SPMIP11: variants seen among roughly 807,000 people sequenced by gnomAD.
The protein encoded by SPMIP11 is long intergenic non-protein coding RNA 935.
the SPMIP11 span, chr12:48,770,867 C>G: frequency 6.2e-7 from 1 of 1,614,230 alleles, no homozygotes; most frequent in Non-Finnish European, 8.5e-7. Context: ...GTGGGAGCGG[C>G]CCACCTGATC....
the SPMIP11 span, chr12:48,768,239 CAG>C: frequency 2.7e-6 from 1 of 365,400 alleles, no homozygotes; most frequent in South Asian, 2.8e-5. Context: ...CCCAGACAGA[CAG>C]GGAAGGGTAG....
the SPMIP11 span, chr12:48,727,472 G>A: frequency 5.7e-6 from 4 of 702,838 alleles, no homozygotes; most frequent in East Asian, 2.7e-5. Context: ...AGGCCAGGGA[G>A]GATCTGAGAT....
the SPMIP11 span, among the ~76,000 whole-genome samples, chr12:48,748,612 A>G: frequency 6.6e-6 from 1 of 151,972 alleles, no homozygotes; most frequent in Admixed American, 6.6e-5. Context: ...AAGTCAAACT[A>G]CATTTCCTGG....
the SPMIP11 span, among the ~76,000 whole-genome samples, chr12:48,744,906 T>G: frequency 6.6e-6 from 1 of 151,776 alleles, no homozygotes; most frequent in African/African-American, 2.4e-5. Flanking sequence ...GCAATGGTGA[T>G]GTACAAAAGA....
the SPMIP11 span, among the ~76,000 whole-genome samples, chr12:48,757,440 G>A: frequency 1.1e-4 from 17 of 151,764 alleles, no homozygotes; most frequent in Middle Eastern, 3.4e-3. Context: ...GAGGTCAGGA[G>A]TTGGAGACCA....
chr12:48,755,806 A>G, the SPMIP11 span, among the ~76,000 whole-genome samples: 2 of 152,014 alleles, frequency 1.3e-5, no homozygotes, highest in African/African-American at 4.8e-5. Context: ...ACTTGAGCTC[A>G]GACCAATAAC....
At chr12:48,735,799 G>T in the SPMIP11 span, among the ~76,000 whole-genome samples, 1 of 151,752 alleles carries the variant, frequency 6.6e-6, no homozygotes, top group Non-Finnish European at 1.5e-5. Context: ...CAGGAGAATT[G>T]CTTGAACCCG....
the SPMIP11 span, among the ~76,000 whole-genome samples, chr12:48,733,841 G>A: frequency 4.6e-5 from 6 of 129,410 alleles, no homozygotes; most frequent in Non-Finnish European, 6.2e-5. Flanking sequence ...CTCAGTCTCC[G>A]CTCACTGCAA....
At chr12:48,758,710 A>T in the SPMIP11 span, among the ~76,000 whole-genome samples, 1 of 152,130 alleles carries the variant, frequency 6.6e-6, no homozygotes, top group Non-Finnish European at 1.5e-5. Flanking sequence ...GAGGCTCCAA[A>T]TCAAATAGCT....
At chr12:48,747,018 G>A in the SPMIP11 span, among the ~76,000 whole-genome samples, 1 of 152,088 alleles carries the variant, frequency 6.6e-6, no homozygotes. Flanking sequence ...CCCTTCAGAT[G>A]GTACAGTTTT....
chr12:48,755,123 C>T, the SPMIP11 span, among the ~76,000 whole-genome samples: 1 of 152,154 alleles, frequency 6.6e-6, no homozygotes. Flanking sequence ...CCCCGAGTCA[C>T]AGGGAAACTT....
the SPMIP11 span, among the ~76,000 whole-genome samples, chr12:48,748,728 C>T: frequency 2.0e-5 from 3 of 152,072 alleles, no homozygotes; most frequent in Admixed American, 6.6e-5. Flanking sequence ...AATGAGTTGC[C>T]TTCTATTTCA....
At chr12:48,769,555 A>G in the SPMIP11 span, among the ~76,000 whole-genome samples, 1 of 151,340 alleles carries the variant, frequency 6.6e-6, no homozygotes, top group Non-Finnish European at 1.5e-5. Flanking sequence ...CAACCACTCT[A>G]GTAAGCATTT....
chr12:48,731,505 A>T, the SPMIP11 span, among the ~76,000 whole-genome samples: 1 of 151,280 alleles, frequency 6.6e-6, no homozygotes, highest in South Asian at 2.1e-4. Flanking sequence ...AAAAAAAAAG[A>T]ATTATTCACT....
chr12:48,758,429 A>G, the SPMIP11 span, among the ~76,000 whole-genome samples: 1 of 152,222 alleles, frequency 6.6e-6, no homozygotes, highest in African/African-American at 2.4e-5. Flanking sequence ...TCACTAGCGG[A>G]TAACTTTATA....
the SPMIP11 span, among the ~76,000 whole-genome samples, chr12:48,750,043 C>G: frequency 1.8e-4 from 27 of 151,806 alleles, no homozygotes; most frequent in Admixed American, 1.8e-3. Context: ...AGGCACTTGC[C>G]ATCACCACAC....
At chr12:48,752,858 G>A in the SPMIP11 span, among the ~76,000 whole-genome samples, 1 of 151,870 alleles carries the variant, frequency 6.6e-6, no homozygotes, top group African/African-American at 2.4e-5. Flanking sequence ...TTTTAGTAGA[G>A]ACGGGATTTC....
chr12:48,733,420 C>T, the SPMIP11 span, among the ~76,000 whole-genome samples: 2 of 152,070 alleles, frequency 1.3e-5, no homozygotes, highest in African/African-American at 4.8e-5. Flanking sequence ...ATAGTAGTCC[C>T]TCCCTATTCA....
At chr12:48,744,158 G>A in the SPMIP11 span, among the ~76,000 whole-genome samples, 1 of 149,712 alleles carries the variant, frequency 6.7e-6, no homozygotes, top group Non-Finnish European at 1.5e-5. Flanking sequence ...CGAGGCAGGA[G>A]AATCGCTTGA....
Sources: allele counts gnomAD v4.1 joint callset (sites outside exome capture counted in the v4.1 genomes callset), GRCh38; gene constraint gnomAD v4.1.1; transcripts MANE v1.5; gene names NCBI Gene and HGNC (gene_info 2026-07-23, HGNC 2026-07-21).